The following PLCG2 variants were observed in gnomAD, a reference collection of about 807,000 sequenced individuals.
The protein encoded by PLCG2 is phospholipase C gamma 2, also known as 1-phosphatidylinositol 4,5-bisphosphate phosphodiesterase gamma-2.
In PLCG2, 69 loss-of-function variants were observed where a neutral mutation model predicts 175.6. The ratio of observed to expected loss-of-function variants is 0.39; its 90% CI spans 0.32 to 0.48. PLCG2 has a LOEUF of 0.48. PLCG2 is among the 20% of genes least tolerant of loss of function. PLCG2 has a pLI of 0.91. For missense variants in PLCG2, 1,798 were observed against 1,650.9 expected, an observed-to-expected ratio of 1.09 and a Z score of -1.54; for synonymous variants, 827 against 624.0, an observed-to-expected ratio of 1.33 and a Z score of -4.85.
At chr16:81,911,426 C>A (rs1417047084) in intron 18 of PLCG2, among the ~76,000 whole-genome samples, 1 of 152,004 alleles carries the variant, frequency 6.6e-6, no homozygotes, top group Non-Finnish European at 1.5e-5. Flanking sequence ...GTTTGGGCTG[C>A]TTGGGTGGAT....
At position 81,919,598 on chromosome 16, in the gene PLCG2, T is replaced by C; in HGVS notation, c.2169T>C (p.His723=). The C allele has an allele frequency of 6.2e-7, 1 of 1,614,140 alleles. No individual in the cohort carries two copies. Among genetic ancestry groups the C allele is most frequent in the Non-Finnish European group, 8.5e-7 (1 of 1,180,010 alleles). Residue 723 remains histidine (H), a synonymous_variant, in exon 20 of 33, where the codon CAT becomes CAC. Coordinates refer to ENST00000564138, the MANE Select transcript of PLCG2 (RefSeq NM_002661.5). ...LVELVSYYEK[H]SLYRKMRLRY... is the part of the protein sequence containing the mutation. Reference sequence around the variant, plus strand: ...AGCTCGTCAGTTACTACGAGAAGCATTCACTCTACCGAAAGATGAGACTGC... The same window carrying C: ...AGCTCGTCAGTTACTACGAGAAGCACTCACTCTACCGAAAGATGAGACTGC...
intron 2 of PLCG2, among the ~76,000 whole-genome samples, chr16:81,803,690 C>G (rs1384935094): frequency 3.5e-5 from 4 of 113,652 alleles, no homozygotes; most frequent in East Asian, 3.4e-4. Flanking sequence ...CCTTTTCTTT[C>G]TTTCTTTACT....
Position 81,960,684 on chromosome 16 carries a change from C to G in PLCG2, c.*2686C>G, listed in dbSNP as rs1911748428. ...TCTATAGTGGAACACATTTGAAGAC[C>G]TACTGCTCTATTAAGAAGGCAGCCG... On this transcript the variant is annotated 3_prime_UTR_variant, in exon 33 of 33. Transcript: ENST00000564138. 4.3e-6 allele frequency: 1 copy of G among 230,180 alleles called. No homozygotes were observed. The highest frequency in any genetic ancestry group is 5.7e-5 in the Admixed American group (1 of 17,686). The allele number at this position is 230,180 out of a possible 1,614,324, so 14.3% of individuals were successfully genotyped here.
intron 2 of PLCG2, among the ~76,000 whole-genome samples, chr16:81,838,704 A>C (rs1386088686): frequency 1.3e-5 from 2 of 151,798 alleles, no homozygotes; most frequent in Non-Finnish European, 2.9e-5. Context: ...GCAGCAAGCC[A>C]CCATGGCACA....
intron 27 of PLCG2, 112 bp downstream of exon 27, chr16:81,936,490 G>C: frequency 1.2e-6 from 1 of 837,172 alleles, no homozygotes; most frequent in Non-Finnish European, 2.0e-6. Context: ...TGAGTGATTT[G>C]TCCGAGGGAC....
intron 2 of PLCG2, chr16:81,768,018 T>C (rs900566542): frequency 6.6e-6 from 1 of 152,294 alleles, no homozygotes; most frequent in African/African-American, 2.4e-5. Flanking sequence ...GCCTCCTGAG[T>C]AGCTGGGATT....
intron 12 of PLCG2, among the ~76,000 whole-genome samples, chr16:81,894,132 G>A (rs1240623966): frequency 6.6e-6 from 1 of 152,020 alleles, no homozygotes; most frequent in African/African-American, 2.4e-5. Context: ...GAGCAAATGT[G>A]AAAAGAATGG....
intron 2 of PLCG2, among the ~76,000 whole-genome samples, chr16:81,834,190 C>T (rs1567488875): frequency 1.3e-5 from 2 of 152,160 alleles, no homozygotes; most frequent in Non-Finnish European, 2.9e-5. Flanking sequence ...GGCTTTCTTC[C>T]CAAGATTGGT....
At position 81,961,606 on chromosome 16, in the gene PLCG2, A is replaced by G. The variant is rs1911778797; in HGVS notation, c.*3608A>G. On this transcript the variant is annotated 3_prime_UTR_variant, in exon 33 of 33. Coordinates refer to ENST00000564138, the MANE Select transcript of PLCG2 (RefSeq NM_002661.5). ...GTATGAAAATACAAATTCAAGGAGT[A>G]AAAGGAAAAGTGGGGCATTCCTTGC... is the stretch of plus-strand genomic sequence containing the variant. The G allele has an allele frequency of 4.6e-6, 1 of 216,314 alleles. No homozygotes were observed. The highest frequency in any genetic ancestry group is 9.3e-6 in the Non-Finnish European group (1 of 107,554). 13.4% of individuals were successfully genotyped at this position (216,314 alleles called of 1,614,324 possible).
At chr16:81,790,621 GA>G (rs1454496545) in intron 2 of PLCG2, among the ~76,000 whole-genome samples, 1 of 152,210 alleles carries the variant, frequency 6.6e-6, no homozygotes, top group African/African-American at 2.4e-5. Context: ...GTGCACATGA[GA>G]GGAGCACCGG....
At chr16:81,905,311 C>A (rs1399616609) in intron 14 of PLCG2, 92 bp from the exon 15 acceptor site, 1 of 817,510 alleles carries the variant, frequency 1.2e-6, no homozygotes, top group Non-Finnish European at 2.1e-6. Context: ...GTGCAAAGGC[C>A]CTGCCTGGGA....
chr16:81,835,960 C>G (rs1905493695), intron 2 of PLCG2, among the ~76,000 whole-genome samples: 2 of 152,184 alleles, frequency 1.3e-5, no homozygotes, highest in Non-Finnish European at 1.5e-5. Flanking sequence ...CCACCCTAAT[C>G]CAGCATGAGC....
At chr16:81,899,916 C>CT (rs1312921687) in intron 13 of PLCG2, among the ~76,000 whole-genome samples, 2 of 152,168 alleles carry the variant, frequency 1.3e-5, no homozygotes, top group African/African-American at 4.8e-5. Flanking sequence ...GCTCAAAAGG[C>CT]CCTGATCCTG....
chr16:81,889,138 T>C, intron 9 of PLCG2, 34 bp from the exon 10 acceptor site: 1 of 1,295,350 alleles, frequency 7.7e-7, no homozygotes, highest in South Asian at 1.3e-5. Flanking sequence ...CAGTTCTCAC[T>C]TTGCTGATCT....
intron 1 of PLCG2, among the ~76,000 whole-genome samples, chr16:81,782,975 C>G (rs6564919): frequency 0.77 from 116,705 of 152,112 alleles, 45,040 homozygotes; most frequent in South Asian, 0.88. Context: ...ATTGGTGAGA[C>G]GCAGCATGGA....
Position 81,936,355 on chromosome 16 carries a change from T to C in PLCG2, c.3029T>C (p.Val1010Ala), listed in dbSNP as rs1420258193. Residue 1010 changes from valine to alanine, a missense_variant, in exon 27 of 33, where the codon GTG becomes GCG. By Grantham distance (64) the Val-to-Ala change is moderately conservative. Transcript: ENST00000564138. ...CTCTGGCTGTGCGGTTCTCAGATGGTGGCACTCAATTTCCAGACGGCAGGT... is the reference window on the plus strand; with the variant it reads ...CTCTGGCTGTGCGGTTCTCAGATGGCGGCACTCAATTTCCAGACGGCAGGT... The part of the protein sequence containing the change: ...FRLWLCGSQM[V>A]ALNFQTADKY... 6 of 1,613,938 alleles carry C rather than the reference T, an allele frequency of 3.7e-6. No individual in the cohort carries two copies. The highest frequency in any genetic ancestry group is 1.1e-5 in the South Asian group (1 of 91,074).
At chr16:81,876,415 G>A (rs1056201600) in intron 7 of PLCG2, among the ~76,000 whole-genome samples, 14 of 152,092 alleles carry the variant, frequency 9.2e-5, no homozygotes, top group South Asian at 2.1e-4. Flanking sequence ...GACCAGCTTC[G>A]GTTGTGAAAG....
chr16:81,779,632 C>G (rs1567459281), intron 1 of PLCG2, among the ~76,000 whole-genome samples: 1 of 152,104 alleles, frequency 6.6e-6, no homozygotes. Flanking sequence ...CCGCTGGCCA[C>G]TTCCTCACCC....
At chr16:81,756,834 G>C (rs551472338) in intron 2 of PLCG2, among the ~76,000 whole-genome samples, 1 of 152,172 alleles carries the variant, frequency 6.6e-6, no homozygotes, top group African/African-American at 2.4e-5. Context: ...GCCTTATCCT[G>C]CTTCTTCAGC....
Sources: gnomAD v4.1 joint callset for allele counts (sites outside exome capture counted in the v4.1 genomes callset) on GRCh38, gnomAD v4.1.1 for gene constraint, MANE v1.5 for transcripts, NCBI Gene and HGNC (gene_info 2026-07-23, HGNC 2026-07-21) for gene names.